The following TASP1 variants were observed in gnomAD, a reference collection of about 807,000 sequenced individuals.
TASP1 encodes threonine aspartase 1.
TASP1 carries 16 observed loss-of-function variants against 56.6 expected under a neutral mutation model. The observed-to-expected ratio is 0.28, with a 90% CI of 0.19 to 0.43. TASP1 has a LOEUF of 0.43. Ranked by LOEUF, TASP1 falls within the 20% of genes least tolerant of loss-of-function variation. The pLI is 1.00. For missense variants in TASP1, 393 were observed against 511.6 expected, an observed-to-expected ratio of 0.77 and a Z score of 2.24; for synonymous variants, 179 against 184.2, an observed-to-expected ratio of 0.97 and a Z score of 0.23.
the TASP1 span, chr20:13,154,137 G>C: frequency 6.2e-7 from 1 of 1,614,010 alleles, no homozygotes. Flanking sequence ...TGGTAAAGTA[G>C]CGTAAGTATC....
chr20:13,434,300 G>A (rs1340677938), intron 12 of TASP1, among the ~76,000 whole-genome samples: 1 of 152,168 alleles, frequency 6.6e-6, no homozygotes, highest in Non-Finnish European at 1.5e-5. Flanking sequence ...GCCCCTGCTA[G>A]TGCATGTGTC....
chr20:13,259,972 T>C, the TASP1 span, among the ~76,000 whole-genome samples: 1 of 151,994 alleles, frequency 6.6e-6, no homozygotes, highest in Non-Finnish European at 1.5e-5. Flanking sequence ...ATCGATGGAG[T>C]GTTTGTTGAA....
At chr20:13,375,881 T>C in the TASP1 span, among the ~76,000 whole-genome samples, 2 of 152,218 alleles carry the variant, frequency 1.3e-5, no homozygotes, top group Non-Finnish European at 2.9e-5. Context: ...TGTCTTCTTT[T>C]AAGAAGTGTC....
intron 6 of TASP1, among the ~76,000 whole-genome samples, chr20:13,576,102 T>C (rs2046895350): frequency 6.7e-6 from 1 of 149,406 alleles, no homozygotes; most frequent in Admixed American, 6.8e-5. Flanking sequence ...CTCAGGAGGC[T>C]GAGGCAGGAG....
At chr20:13,454,953 A>G (rs914482795) in intron 11 of TASP1, among the ~76,000 whole-genome samples, 1 of 152,140 alleles carries the variant, frequency 6.6e-6, no homozygotes, top group African/African-American at 2.4e-5. Context: ...AGAAGTCTTC[A>G]CTTTGTGGTG....
At chr20:13,612,992 C>A (rs1259805345) in intron 4 of TASP1, among the ~76,000 whole-genome samples, 1 of 152,122 alleles carries the variant, frequency 6.6e-6, no homozygotes, top group Non-Finnish European at 1.5e-5. Context: ...GTAAATCTAT[C>A]AATTATACTG....
At chr20:13,332,233 G>A in the TASP1 span, among the ~76,000 whole-genome samples, 5 of 152,154 alleles carry the variant, frequency 3.3e-5, no homozygotes, top group Admixed American at 1.3e-4. Flanking sequence ...GGCCAACTAT[G>A]TATGTTGTGG....
chr20:13,437,450 A>G (rs1196657679), intron 11 of TASP1, among the ~76,000 whole-genome samples: 5 of 152,246 alleles, frequency 3.3e-5, no homozygotes, highest in African/African-American at 1.2e-4. Context: ...AACTGGCACA[A>G]GACAGGGATG....
At chr20:13,117,567 T>C in the TASP1 span, 1 of 1,613,194 alleles carries the variant, frequency 6.2e-7, no homozygotes, top group South Asian at 1.1e-5. Context: ...ATACAAGGCT[T>C]ACCTCTACAT....
intron 11 of TASP1, among the ~76,000 whole-genome samples, chr20:13,475,671 G>GA (rs2044699357): frequency 6.6e-6 from 1 of 152,076 alleles, no homozygotes; most frequent in South Asian, 2.1e-4. Context: ...GAGGTTGGGG[G>GA]ATCACCTGAG....
intron 4 of TASP1, among the ~76,000 whole-genome samples, chr20:13,597,022 G>C (rs1360969981): frequency 6.6e-6 from 1 of 152,162 alleles, no homozygotes; most frequent in Non-Finnish European, 1.5e-5. Flanking sequence ...AACAGGCTCT[G>C]AAATTGAGGC....
chr20:13,299,303 G>A, the TASP1 span: 3 of 1,613,656 alleles, frequency 1.9e-6, no homozygotes, highest in Non-Finnish European at 1.7e-6. This position sits in a 1 kb window ranked among gnomAD's most constrained non-coding sequence, Gnocchi z 5.8. Flanking sequence ...TCTCCGCGGA[G>A]CTCCACTACA....
At chr20:13,548,403 G>A (rs1481493942) in intron 8 of TASP1, among the ~76,000 whole-genome samples, 1 of 152,072 alleles carries the variant, frequency 6.6e-6, no homozygotes, top group African/African-American at 2.4e-5. Flanking sequence ...ATGTGTAATA[G>A]GCAGGAGAAA....
intron 4 of TASP1, among the ~76,000 whole-genome samples, chr20:13,600,192 TGATC>T (rs1256736670): frequency 6.6e-6 from 1 of 152,200 alleles, no homozygotes; most frequent in Non-Finnish European, 1.5e-5. Context: ...ATTATTAAAT[TGATC>T]AACAGGTTCA....
At chr20:13,331,838 G>A in the TASP1 span, among the ~76,000 whole-genome samples, 1 of 152,002 alleles carries the variant, frequency 6.6e-6, no homozygotes, top group East Asian at 1.9e-4. Flanking sequence ...CAAGGACTGT[G>A]ACCATCTTGC....
At chr20:13,181,792 C>T in the TASP1 span, among the ~76,000 whole-genome samples, 1 of 152,160 alleles carries the variant, frequency 6.6e-6, no homozygotes, top group Non-Finnish European at 1.5e-5. Flanking sequence ...GCAGTTCCTT[C>T]ATCTGTAAAA....
chr20:13,255,384 TTG>T, the TASP1 span, among the ~76,000 whole-genome samples: 10 of 152,202 alleles, frequency 6.6e-5, no homozygotes, highest in African/African-American at 9.6e-5. Context: ...CAGTCATTAT[TTG>T]TGTGTGTGTT....
intron 12 of TASP1, among the ~76,000 whole-genome samples, chr20:13,433,969 T>G (rs1195574659): frequency 2.0e-5 from 3 of 152,104 alleles, no homozygotes. Flanking sequence ...CTAACAAGCT[T>G]GAATGCTGAC....
intron 12 of TASP1, among the ~76,000 whole-genome samples, chr20:13,419,392 C>T (rs1204343465): frequency 6.6e-6 from 1 of 152,148 alleles, no homozygotes; most frequent in Non-Finnish European, 1.5e-5. Context: ...GTCCCTTGCA[C>T]TATTCTTGCA....
Sources: allele counts gnomAD v4.1 joint callset (sites outside exome capture counted in the v4.1 genomes callset), GRCh38; gene constraint gnomAD v4.1.1; non-coding constraint Gnocchi (gnomAD v3.1); transcripts MANE v1.5; gene names NCBI Gene and HGNC (gene_info 2026-07-23, HGNC 2026-07-21).